SDK2: variants seen among roughly 807,000 people sequenced by gnomAD.
SDK2 encodes the protein protein sidekick-2.
SDK2 carries 105 observed loss-of-function variants against 253.9 expected under a neutral mutation model. The ratio of observed to expected loss-of-function variants is 0.41; its 90% CI spans 0.35 to 0.49. The LOEUF is 0.49. Among genes scored for constraint, SDK2 ranks in the 20% least tolerant of loss-of-function variants. The pLI, the probability that SDK2 is intolerant of heterozygous loss-of-function variation, is 0.06. For synonymous variants in SDK2, 1,249 were observed against 1,234.9 expected (o/e 1.01, Z -0.24); for missense variants, 2,608 against 3,003.0 (o/e 0.87, Z 3.07).
chr17:73,490,915 G>A (rs1292856121), intron 2 of SDK2, among the ~76,000 whole-genome samples: 1 of 152,030 alleles, frequency 6.6e-6, no homozygotes, highest in Non-Finnish European at 1.5e-5. Context: ...ATATCCAAAT[G>A]TGGCAGATAA....
chr17:73,359,536 G>T (rs2062623460), intron 39 of SDK2, among the ~76,000 whole-genome samples: 2 of 152,328 alleles, frequency 1.3e-5, no homozygotes, highest in East Asian at 3.9e-4. Context: ...TGAGGACAGA[G>T]CCTGCACCTT....
At chr17:73,367,482 G>A (rs2062695352) in intron 37 of SDK2, among the ~76,000 whole-genome samples, 2 of 150,856 alleles carry the variant, frequency 1.3e-5, no homozygotes, top group African/African-American at 2.4e-5. Flanking sequence ...CCTCCTGAGA[G>A]CATCTCATGG....
intron 30 of SDK2, 139 bp from the exon 31 acceptor site, chr17:73,386,687 T>A (rs919447432): frequency 4.6e-5 from 29 of 636,142 alleles, no homozygotes; most frequent in African/African-American, 7.3e-5. Flanking sequence ...AAGGGCACAC[T>A]GAGGCTCAGA....
In SDK2 at chr17:73,395,543, G is replaced by A. The variant is rs1420342878; in HGVS notation, c.3355-151C>T. On this transcript the variant is annotated intron_variant, in intron 24 of 44. Coordinates refer to ENST00000392650, the MANE Select transcript of SDK2 (RefSeq NM_001144952.2). This position sits in a 1 kb window ranked among gnomAD's most constrained non-coding sequence, Gnocchi z 4.3. ...GTGTCCACATGAGGCTCTCTCACCCGAGTGTGGCTTAGGTTGTGTGACTGT... is the reference window on the plus strand; with the variant it reads ...GTGTCCACATGAGGCTCTCTCACCCAAGTGTGGCTTAGGTTGTGTGACTGT... 1.3e-5 allele frequency among the ~76,000 whole-genome samples: 2 copies of A among 152,184 alleles called. No homozygotes were observed. Among genetic ancestry groups the A allele is most frequent in the Non-Finnish European group, 2.9e-5 (2 of 68,034 alleles).
chr17:73,532,701 A>T (rs1009574259), intron 1 of SDK2, among the ~76,000 whole-genome samples: 6 of 152,120 alleles, frequency 3.9e-5, no homozygotes, highest in African/African-American at 1.4e-4. Flanking sequence ...AGGGTACAAC[A>T]TTTCCAAGGA....
At chr17:73,508,065 TG>T (rs1364646793) in intron 1 of SDK2, among the ~76,000 whole-genome samples, 3 of 152,334 alleles carry the variant, frequency 2.0e-5, no homozygotes, top group Admixed American at 6.5e-5. Flanking sequence ...TCCCCAAGGC[TG>T]GGGGAAGCCC....
At chr17:73,377,858 C>A (rs771979032) in intron 36 of SDK2, among the ~76,000 whole-genome samples, 1 of 151,454 alleles carries the variant, frequency 6.6e-6, no homozygotes, top group African/African-American at 2.4e-5. Context: ...GTGATCTGCC[C>A]GCCTTGGCCT....
At chr17:73,627,370 A>C (rs2046215488) in intron 1 of SDK2, among the ~76,000 whole-genome samples, 1 of 152,184 alleles carries the variant, frequency 6.6e-6, no homozygotes, top group Admixed American at 6.5e-5. Context: ...GGTTCAGTCA[A>C]ATATGGGATG....
At chr17:73,635,625 C>T (rs894782527) in intron 1 of SDK2, among the ~76,000 whole-genome samples, 2 of 152,172 alleles carry the variant, frequency 1.3e-5, no homozygotes, top group Non-Finnish European at 2.9e-5. Context: ...ATATTTCCTT[C>T]CGTTAGGACT....
At position 73,355,174 on chromosome 17, in the gene SDK2, A is replaced by ATTTTTTTTTTTTT. The variant is rs770032791; in HGVS notation, c.5594-2550_5594-2538dup. Among the ~76,000 whole-genome samples, 34 of 47,220 alleles carry ATTTTTTTTTTTTT rather than the reference A, an allele frequency of 7.2e-4. 2 individuals carry two copies. The highest frequency in any genetic ancestry group is 1.8e-3 in the South Asian group (1 of 558). 31.0% of individuals were successfully genotyped at this position (47,220 alleles called of 152,430 possible). A position where few individuals can be genotyped will look rare whatever the true frequency, so the allele number is the denominator to read the frequency against. ...CCTACACCTCCATATATATATATAT[A>ATTTTTTTTTTTTT]TTTTTTTTTTTTTTTTTTTTTAGAC... On this transcript the variant is annotated intron_variant, in intron 40 of 44. Transcript: ENST00000392650.
chr17:73,489,741 A>G (rs1312455170), intron 2 of SDK2, among the ~76,000 whole-genome samples: 1 of 152,136 alleles, frequency 6.6e-6, no homozygotes, highest in Admixed American at 6.5e-5. Flanking sequence ...GACCCTCTAT[A>G]TCTGCTGCAA....
At chr17:73,595,772 T>G (rs896443008) in intron 1 of SDK2, among the ~76,000 whole-genome samples, 5 of 152,040 alleles carry the variant, frequency 3.3e-5, no homozygotes, top group African/African-American at 1.2e-4. Context: ...CATCCACTCC[T>G]CACCGGCAGG....
chr17:73,600,539 G>A (rs995767364), intron 1 of SDK2, among the ~76,000 whole-genome samples: 4 of 152,094 alleles, frequency 2.6e-5, no homozygotes, highest in African/African-American at 9.7e-5. Context: ...AGCCTCACCT[G>A]CTCTGGTCAC....
At chr17:73,528,581 G>A (rs2064144577) in intron 1 of SDK2, among the ~76,000 whole-genome samples, 1 of 152,172 alleles carries the variant, frequency 6.6e-6, no homozygotes, top group Non-Finnish European at 1.5e-5. Context: ...GCGACCTACT[G>A]CCTCACTAAG....
chr17:73,406,652 T>G (rs962118926), intron 18 of SDK2, among the ~76,000 whole-genome samples: 1 of 152,218 alleles, frequency 6.6e-6, no homozygotes, highest in Non-Finnish European at 1.5e-5. Context: ...GAAGCTGATT[T>G]TCTCTGAATT....
chr17:73,408,718 G>C (rs761608904), intron 18 of SDK2, among the ~76,000 whole-genome samples: 4 of 152,122 alleles, frequency 2.6e-5, no homozygotes, highest in Non-Finnish European at 2.9e-5. Flanking sequence ...TTACAAGAAA[G>C]AGAAAGGGAG....
At position 73,364,452 on chromosome 17, in the gene SDK2, G is replaced by A. The variant is rs145754689; in HGVS notation, c.5305+806C>T. The stretch of plus-strand genomic sequence containing the variant: ...GGTGCAGGGACCTCCTTGGTCTTGT[G>A]TATCTTCCTGGGGAGAGGCTCTGAA... On this transcript the variant is annotated intron_variant, in intron 38 of 44. Coordinates refer to ENST00000392650, the MANE Select transcript of SDK2 (RefSeq NM_001144952.2). Among the ~76,000 whole-genome samples, 203 of 152,188 alleles carry A rather than the reference G, an allele frequency of 1.3e-3. 1 individual carries two copies. The highest frequency in any genetic ancestry group is 4.7e-3 in the African/African-American group (195 of 41,506).
chr17:73,529,510 C>T (rs1490643487), intron 1 of SDK2, among the ~76,000 whole-genome samples: 1 of 152,106 alleles, frequency 6.6e-6, no homozygotes, highest in East Asian at 1.9e-4. Context: ...AATTCATTTC[C>T]ACTTGGAACC....
At chr17:73,440,108 CTTT>C (rs112008765) in intron 6 of SDK2, among the ~76,000 whole-genome samples, 9 of 138,674 alleles carry the variant, frequency 6.5e-5, no homozygotes, top group East Asian at 2.1e-4. Flanking sequence ...AGCCCATACT[CTTT>C]TTTTTTTTTT....
Sources: allele counts gnomAD v4.1 joint callset (sites outside exome capture counted in the v4.1 genomes callset), GRCh38; gene constraint gnomAD v4.1.1; non-coding constraint Gnocchi (gnomAD v3.1); transcripts MANE v1.5; gene names NCBI Gene and HGNC (gene_info 2026-07-23, HGNC 2026-07-21).